Variants in CNTNAP2 observed in about 807,000 individuals in gnomAD.
The protein encoded by CNTNAP2 is contactin-associated protein-like 2.
A neutral mutation model predicts 155.2 loss-of-function variants in CNTNAP2; 98 were observed. The ratio of observed to expected loss-of-function variants is 0.63; its 90% CI spans 0.54 to 0.75. The LOEUF (loss-of-function observed/expected upper bound fraction) is 0.75. Among genes scored for constraint, CNTNAP2 ranks in the 30% least tolerant of loss-of-function variants. The pLI is 0.00. For synonymous variants in CNTNAP2, 651 were observed against 631.2 expected (o/e 1.03, Z -0.47); for missense variants, 1,727 against 1,688.1 (o/e 1.02, Z -0.40).
chr7:148,304,872 G>C (rs534310662), intron 21 of CNTNAP2, among the ~76,000 whole-genome samples: 8 of 151,996 alleles, frequency 5.3e-5, no homozygotes, highest in Admixed American at 5.2e-4. Flanking sequence ...GGATAGATCC[G>C]TATGCAGTGT....
intron 23 of CNTNAP2, among the ~76,000 whole-genome samples, chr7:148,411,309 A>G (rs1331851495): frequency 6.6e-6 from 1 of 152,206 alleles, no homozygotes; most frequent in African/African-American, 2.4e-5. Context: ...TCTGTTGCCC[A>G]GGCTGGAGTG....
chr7:146,532,109 A>G (rs1003267197), intron 1 of CNTNAP2, among the ~76,000 whole-genome samples: 1 of 152,164 alleles, frequency 6.6e-6, no homozygotes, highest in Non-Finnish European at 1.5e-5. Flanking sequence ...AATATTTACA[A>G]TTCAAAAAAG....
intron 10 of CNTNAP2, among the ~76,000 whole-genome samples, chr7:147,469,760 C>T (rs1223615840): frequency 6.6e-5 from 10 of 151,948 alleles, no homozygotes; most frequent in Middle Eastern, 3.4e-3. Flanking sequence ...CCTCGTGATC[C>T]GCCCTCCTCG....
chr7:147,560,858 A>C (rs1800049735), intron 11 of CNTNAP2, among the ~76,000 whole-genome samples: 1 of 149,942 alleles, frequency 6.7e-6, no homozygotes, highest in South Asian at 2.2e-4. Context: ...ACATCCTTGG[A>C]AAGAGGAAGG....
At position 146,703,883 on chromosome 7, in the gene CNTNAP2, C is replaced by G. The variant is rs964988641; in HGVS notation, c.98-70388C>G. 7.2e-5 allele frequency among the ~76,000 whole-genome samples: 11 copies of G among 152,204 alleles called. No homozygotes were observed. In the South Asian group the frequency reaches 2.3e-3, roughly 32 times the overall value. On this transcript the variant is annotated intron_variant, in intron 1 of 23. Transcript: ENST00000361727. ...CCTGAAATTTGTTCCATTTGTCTTT[C>G]CATTTCTCTCTCCCTTCTTTGTTCC...
chr7:146,424,447 C>T (rs2021559), intron 1 of CNTNAP2, among the ~76,000 whole-genome samples: 59,046 of 151,992 alleles, frequency 0.39, 13,087 homozygotes, highest in African/African-American at 0.6. Flanking sequence ...GTTGTGACAA[C>T]GTGTACGAAA....
intron 3 of CNTNAP2, among the ~76,000 whole-genome samples, chr7:146,961,435 G>A (rs980186017): frequency 3.9e-5 from 6 of 152,192 alleles, no homozygotes; most frequent in Non-Finnish European, 7.3e-5. Flanking sequence ...AGTGATAAAG[G>A]TGTAATTCGA....
chr7:147,810,921 T>C (rs1482459057), intron 13 of CNTNAP2, among the ~76,000 whole-genome samples: 1 of 152,158 alleles, frequency 6.6e-6, no homozygotes, highest in Non-Finnish European at 1.5e-5. Context: ...GGGAGCTACA[T>C]GAAGGCAGAA....
chr7:146,651,033 T>A lies in CNTNAP2; in HGVS notation c.98-123238T>A, dbSNP rs555168113. Among the ~76,000 whole-genome samples, 207 of 151,414 alleles carry A rather than the reference T, an allele frequency of 1.4e-3. 2 individuals are homozygous for A. The highest frequency in any genetic ancestry group is 6.8e-3 in the Middle Eastern group (2 of 292). On this transcript the variant is annotated intron_variant, in intron 1 of 23. Transcript: ENST00000361727. Reference sequence around the variant, plus strand: ...GCAACATAGTGAATTTTTTTTTTTTTAAAGAACAACTAGATTCTCCATAAA... The same window carrying A: ...GCAACATAGTGAATTTTTTTTTTTTAAAAGAACAACTAGATTCTCCATAAA...
At chr7:146,512,683 A>C (rs143756311) in intron 1 of CNTNAP2, among the ~76,000 whole-genome samples, 130 of 152,050 alleles carry the variant, frequency 8.5e-4, no homozygotes, top group African/African-American at 3.1e-3. Flanking sequence ...TTGTTGAGAC[A>C]TTGAGACATG....
intron 2 of CNTNAP2, among the ~76,000 whole-genome samples, chr7:146,833,231 T>A (rs1181052769): frequency 1.3e-5 from 2 of 152,194 alleles, no homozygotes; most frequent in Non-Finnish European, 2.9e-5. Flanking sequence ...CCACTAGCCC[T>A]CAATTGCTAT....
At chr7:146,242,474 G>A (rs1584821914) in intron 1 of CNTNAP2, among the ~76,000 whole-genome samples, 1 of 151,834 alleles carries the variant, frequency 6.6e-6, no homozygotes, top group East Asian at 1.9e-4. Context: ...AGGAGGCAGA[G>A]GTTGCAGTGA....
At chr7:146,727,138 C>G (rs1278994852) in intron 1 of CNTNAP2, among the ~76,000 whole-genome samples, 1 of 152,024 alleles carries the variant, frequency 6.6e-6, no homozygotes, top group African/African-American at 2.4e-5. Flanking sequence ...AAACCAGTAT[C>G]AGCAGTTTTC....
At chr7:146,299,350 GTTA>G (rs1800567121) in intron 1 of CNTNAP2, among the ~76,000 whole-genome samples, 1 of 152,014 alleles carries the variant, frequency 6.6e-6, no homozygotes, top group African/African-American at 2.4e-5. Context: ...TTATATGGTA[GTTA>G]TTATTATCAA....
At chr7:148,150,093 G>A (rs915176559) in intron 17 of CNTNAP2, among the ~76,000 whole-genome samples, 2 of 140,918 alleles carry the variant, frequency 1.4e-5, no homozygotes, top group Non-Finnish European at 3.0e-5. Flanking sequence ...GAAGTGAGAG[G>A]GGTTGTTACA....
At chr7:146,305,194 G>T (rs1800687122) in intron 1 of CNTNAP2, among the ~76,000 whole-genome samples, 2 of 151,982 alleles carry the variant, frequency 1.3e-5, no homozygotes, top group African/African-American at 4.8e-5. Context: ...AAGGTTTTTA[G>T]CTTCTTTGCG....
chr7:146,496,883 A>G (rs566344179), intron 1 of CNTNAP2, among the ~76,000 whole-genome samples: 2 of 152,342 alleles, frequency 1.3e-5, no homozygotes, highest in South Asian at 2.1e-4. Context: ...ACTGCAGAGC[A>G]TCTGTTAATG....
At chr7:146,709,309 C>A (rs1801022148) in intron 1 of CNTNAP2, among the ~76,000 whole-genome samples, 1 of 152,118 alleles carries the variant, frequency 6.6e-6, no homozygotes, top group South Asian at 2.1e-4. Flanking sequence ...GTACTCACCA[C>A]CATGCATTCT....
At position 146,926,411 on chromosome 7, in the gene CNTNAP2, T is replaced by A. The variant is rs115217072; in HGVS notation, c.402+86507T>A. ...TCTGATATTTGTTTATAATTCCAAC[T>A]GAGTTTATGTCTGAATTTGAACTTT... On this transcript the variant is annotated intron_variant, in intron 3 of 23. Transcript: ENST00000361727. 9.4e-4 allele frequency among the ~76,000 whole-genome samples: 143 copies of A among 152,288 alleles called. 1 individual carries two copies. The highest frequency in any genetic ancestry group is 3.2e-3 in the African/African-American group (135 of 41,602).
Sources: gnomAD v4.1 joint callset for allele counts (sites outside exome capture counted in the v4.1 genomes callset) on GRCh38, gnomAD v4.1.1 for gene constraint, MANE v1.5 for transcripts, NCBI Gene and HGNC (gene_info 2026-07-23, HGNC 2026-07-21) for gene names.